Variants in NEK3 observed in about 807,000 individuals in gnomAD.
The protein encoded by NEK3 is NIMA related kinase 3, also known as serine/threonine-protein kinase Nek3.
A neutral mutation model predicts 66.0 loss-of-function variants in NEK3; 54 were observed. The ratio of observed to expected loss-of-function variants is 0.82; its 90% CI spans 0.66 to 1.03. The LOEUF (loss-of-function observed/expected upper bound fraction) is 1.03. NEK3 is among the 50% of genes least tolerant of loss of function. The pLI, the probability that NEK3 is intolerant of heterozygous loss-of-function variation, is 0.00. For missense variants in NEK3, 593 were observed against 603.0 expected, an observed-to-expected ratio of 0.98 and a Z score of 0.17; for synonymous variants, 200 against 206.2, an observed-to-expected ratio of 0.97 and a Z score of 0.26.
chr13:52,135,936 T>C lies in NEK3; in HGVS notation c.1175-73A>G, dbSNP rs903950264. 3 of 1,546,532 alleles carry C rather than the reference T, an allele frequency of 1.9e-6. No homozygotes were observed. The African/African-American group carries it at 4.1e-5, about 21-fold the overall frequency. On this transcript the variant is annotated intron_variant, in intron 13 of 15. Coordinates refer to ENST00000610828, the MANE Select transcript of NEK3 (RefSeq NM_002498.3). Reference sequence around the variant, plus strand: ...CAGCATGTACTTTCCAGATCATATTTTCAAGCGAAGTTAGTTATATTTGAC... The same window carrying C: ...CAGCATGTACTTTCCAGATCATATTCTCAAGCGAAGTTAGTTATATTTGAC...
In NEK3 at chr13:52,133,787, C is replaced by G; in HGVS notation, c.1338G>C (p.Leu446=). 1.9e-6 allele frequency: 3 copies of G among 1,598,796 alleles called. No individual in the cohort carries two copies. Among genetic ancestry groups the G allele is most frequent in the East Asian group, 2.2e-5 (1 of 44,574 alleles). The change falls in exon 15 of 16, where the codon CTG becomes CTC. Residue 446 remains leucine (L), a synonymous_variant. Coordinates refer to ENST00000610828, the MANE Select transcript of NEK3 (RefSeq NM_002498.3). ...TGTCCGATGCTTCTGTTTCTTCAGA[C>G]AGGGGGCCTTTCAAGAACCCTTCTG... The part of the protein sequence containing the change: ...PGSEGFLKGP[L]SEETEASDSV...
chr13:52,156,943 C>G (rs1003569437), intron 1 of NEK3: 3 of 152,232 alleles, frequency 2.0e-5, no homozygotes, highest in African/African-American at 7.2e-5. Context: ...TCCCTGCCAA[C>G]GTGGACATCC....
intron 11 of NEK3, among the ~76,000 whole-genome samples, chr13:52,140,817 G>C (rs766525539): frequency 2.0e-5 from 3 of 151,262 alleles, no homozygotes; most frequent in Admixed American, 6.6e-5. Context: ...TTTCATAAAC[G>C]TATTTTTTTT....
At chr13:52,138,302 G>C (rs139614264) in intron 11 of NEK3, among the ~76,000 whole-genome samples, 1 of 152,310 alleles carries the variant, frequency 6.6e-6, no homozygotes, top group African/African-American at 2.4e-5. Context: ...TATTACAGGC[G>C]TAAGCCACTC....
intron 2 of NEK3, among the ~76,000 whole-genome samples, chr13:52,154,935 C>A (rs765403631): frequency 6.6e-6 from 1 of 150,762 alleles, no homozygotes; most frequent in Non-Finnish European, 1.5e-5. Flanking sequence ...CCAGCCTGGG[C>A]AATAGAGCAA....
intron 9 of NEK3, 30 bp from the exon 10 acceptor site, chr13:52,144,017 G>A (rs1202202705): frequency 1.6e-6 from 2 of 1,252,356 alleles, no homozygotes; most frequent in Non-Finnish European, 2.2e-6. Flanking sequence ...ATTTAGAGAT[G>A]TGAAAACATA....
rs776926580 is a variant in NEK3 at position 52,133,766 on chromosome 13, C to CGAT, written c.1356_1358dup (p.Ser453dup). The CGAT allele has an allele frequency of 1.9e-6, 3 of 1,592,418 alleles. No homozygotes were observed. The highest frequency in any genetic ancestry group is 2.7e-5 in the African/African-American group (2 of 74,534). On this transcript the variant is annotated inframe_insertion, in exon 15 of 16. Coordinates refer to ENST00000610828, the MANE Select transcript of NEK3 (RefSeq NM_002498.3). Reference sequence around the variant, plus strand: ...AATCGTGACCTCCATCAACACTGTCCGATGCTTCTGTTTCTTCAGACAGGG... The same window carrying CGAT: ...AATCGTGACCTCCATCAACACTGTCCGATGATGCTTCTGTTTCTTCAGACAGGG...
rs532058657 is a variant in NEK3 at position 52,144,454 on chromosome 13, A to G, written c.804+237T>C. Among the ~76,000 whole-genome samples the G allele has an allele frequency of 7.2e-5, 11 of 152,378 alleles. No homozygotes were observed. The South Asian group carries it at 2.3e-3, about 32-fold the overall frequency. On this transcript the variant is annotated intron_variant, in intron 9 of 15. Transcript: ENST00000610828. ...ACATATAATTTCGATAGACAAATGC[A>G]GACATTTATATATGTCTAAAAAAGG...
chr13:52,144,789 G>T lies in NEK3; in HGVS notation c.706C>A (p.Gln236Lys). 1 of 1,613,594 alleles carries T rather than the reference G, an allele frequency of 6.2e-7. No individual in the cohort carries two copies. The highest frequency in any genetic ancestry group is 8.5e-7 in the Non-Finnish European group (1 of 1,179,658). The change falls in exon 9 of 16, where the codon CAG becomes AAG. Residue 236 changes from glutamine (Q) to lysine (K), a missense_variant. Transcript: ENST00000610828. ...TGTGAGGGATTCCTTTTAAACATCT[G>T]CTTGACTAGGAACTGAAGTTCATAG... Reference protein sequence around the residue: ...YSYELQFLVKQMFKRNPSHRP... With the variant: ...YSYELQFLVKKMFKRNPSHRP...
intron 8 of NEK3, among the ~76,000 whole-genome samples, chr13:52,147,345 A>T (rs531668891): frequency 6.6e-6 from 1 of 152,348 alleles, no homozygotes; most frequent in South Asian, 2.1e-4. Flanking sequence ...ACAGCATTAT[A>T]TACAATAGCC....
At chr13:52,139,855 C>T (rs1336376923) in intron 11 of NEK3, among the ~76,000 whole-genome samples, 3 of 151,810 alleles carry the variant, frequency 2.0e-5, no homozygotes, top group African/African-American at 4.8e-5. Context: ...GCCGTGATCA[C>T]GCCACTGCAC....
intron 1 of NEK3, among the ~76,000 whole-genome samples, chr13:52,157,953 C>T (rs1173997607): frequency 6.6e-6 from 1 of 152,224 alleles, no homozygotes; most frequent in African/African-American, 2.4e-5. Context: ...TCTCGGCTCA[C>T]CGCAACCTCC....
chr13:52,144,097 G>GAAAAAC (rs1438536835), intron 9 of NEK3, 110 bp from the exon 10 acceptor site: 1 of 671,582 alleles, frequency 1.5e-6, no homozygotes, highest in Non-Finnish European at 2.4e-6. Context: ...ATTTCAAGTT[G>GAAAAAC]AAAAACAAAA....
chr13:52,144,335 G>T (rs1181441335), intron 9 of NEK3, among the ~76,000 whole-genome samples: 1 of 152,196 alleles, frequency 6.6e-6, no homozygotes, highest in East Asian at 1.9e-4. Flanking sequence ...GGAATTGCTT[G>T]AACCAGGGAG....
At chr13:52,142,029 G>T (rs183705569) in intron 10 of NEK3, among the ~76,000 whole-genome samples, 3 of 151,996 alleles carry the variant, frequency 2.0e-5, no homozygotes, top group Non-Finnish European at 4.4e-5. Context: ...AGAGGTTGCA[G>T]TGAGTTGAGA....
intron 8 of NEK3, 75 bp downstream of exon 8, chr13:52,148,340 A>T: frequency 7.1e-7 from 1 of 1,411,454 alleles, no homozygotes; most frequent in Admixed American, 1.8e-5. Flanking sequence ...CAAACTGCCA[A>T]CTAGAATCTG....
intron 10 of NEK3, among the ~76,000 whole-genome samples, chr13:52,142,292 T>G (rs572246745): frequency 1.1e-4 from 16 of 151,980 alleles, no homozygotes; most frequent in Middle Eastern, 6.8e-3. Flanking sequence ...TTTTTTTTTT[T>G]TGGAGACGGA....
chr13:52,143,528 G>C (rs955572297), intron 10 of NEK3, among the ~76,000 whole-genome samples: 5 of 152,138 alleles, frequency 3.3e-5, no homozygotes, highest in Admixed American at 1.3e-4. Context: ...TTAAAAGTCT[G>C]TTTATACGAT....
chr13:52,140,382 G>A (rs1265058327), intron 11 of NEK3, among the ~76,000 whole-genome samples: 2 of 152,138 alleles, frequency 1.3e-5, no homozygotes, highest in African/African-American at 2.4e-5. Context: ...GCTGAGATGG[G>A]TGCATCACAA....
Sources: gnomAD v4.1 joint callset for allele counts (sites outside exome capture counted in the v4.1 genomes callset) on GRCh38, gnomAD v4.1.1 for gene constraint, MANE v1.5 for transcripts, NCBI Gene and HGNC (gene_info 2026-07-23, HGNC 2026-07-21) for gene names.